The following TTLL6 variants were observed in gnomAD, a reference collection of about 807,000 sequenced individuals.
TTLL6 encodes tubulin polyglutamylase TTLL6.
Under a neutral mutation model 96.4 loss-of-function variants are expected in TTLL6, and 75 were observed. The ratio of observed to expected loss-of-function variants is 0.78; its 90% confidence interval spans 0.65 to 0.94. TTLL6 has a LOEUF of 0.94. TTLL6 is among the 40% of genes least tolerant of loss of function. The pLI, the probability that TTLL6 is intolerant of heterozygous loss-of-function variation, is 0.00. For missense variants in TTLL6, 1,030 were observed against 1,093.0 expected (o/e 0.94, Z 0.81); for synonymous variants, 411 against 419.4 (o/e 0.98, Z 0.24).
chr17:48,786,996 A>G (rs1451475023), intron 11 of TTLL6, among the ~76,000 whole-genome samples: 1 of 151,778 alleles, frequency 6.6e-6, no homozygotes, highest in African/African-American at 2.4e-5. Flanking sequence ...CTCTCGGCTA[A>G]TTTTTTGTAT....
At position 48,791,504 on chromosome 17, in the gene TTLL6, C is replaced by CGAGAT. The variant is rs779110874; in HGVS notation, c.1093_1097dup (p.Ala367SerfsTer61). The CGAGAT allele has an allele frequency of 6.2e-7, 1 of 1,614,066 alleles. No individual in the cohort carries two copies. Among genetic ancestry groups the CGAGAT allele is most frequent in the South Asian group, 1.1e-5 (1 of 91,070 alleles). ...AGTTATGCCTGATGATGGGGTGGGC[C>CGAGAT]GAGATGAGGGTCTTGATGATGACGT... On this transcript the variant is annotated frameshift_variant, in exon 9 of 16. Coordinates refer to ENST00000393382, the MANE Select transcript of TTLL6 (RefSeq NM_001130918.3). LOFTEE classifies it high-confidence loss of function.
intron 6 of TTLL6, 62 bp from the exon 7 acceptor site, chr17:48,797,266 T>G: frequency 6.7e-7 from 1 of 1,486,422 alleles, no homozygotes; most frequent in Non-Finnish European, 9.0e-7. Flanking sequence ...TGAAAATCAC[T>G]AGCTCCCGCC....
chr17:48,801,436 C>A (rs1322186047), intron 4 of TTLL6, 51 bp from the exon 5 acceptor site: 2 of 1,551,016 alleles, frequency 1.3e-6, no homozygotes, highest in Non-Finnish European at 1.7e-6. Flanking sequence ...GGGAGTACTA[C>A]AAGATCTCCT....
At chr17:48,814,294 G>C (rs111706969) in intron 1 of TTLL6, among the ~76,000 whole-genome samples, 2,701 of 145,802 alleles carry the variant, frequency 0.019, 112 homozygotes, top group African/African-American at 0.067. Context: ...CCTCCAGTCT[G>C]GGTGACAGAG....
intron 8 of TTLL6, among the ~76,000 whole-genome samples, chr17:48,792,966 T>C (rs2039253928): frequency 6.6e-6 from 1 of 152,220 alleles, no homozygotes; most frequent in Non-Finnish European, 1.5e-5. Flanking sequence ...CTTCATTGTG[T>C]AATTTCATAA....
intron 13 of TTLL6, among the ~76,000 whole-genome samples, chr17:48,772,609 T>G (rs1461813602): frequency 6.6e-6 from 1 of 151,522 alleles, no homozygotes; most frequent in Non-Finnish European, 1.5e-5. Flanking sequence ...CACGCGCCTG[T>G]AGTCCCAGCT....
intron 1 of TTLL6, among the ~76,000 whole-genome samples, chr17:48,816,168 C>T (rs913644246): frequency 3.9e-5 from 6 of 152,160 alleles, no homozygotes; most frequent in Non-Finnish European, 7.4e-5. Context: ...ATAAACCAGG[C>T]GTGGTGACTC....
chr17:48,817,092 AC>A lies in TTLL6; in HGVS notation c.-21del. On this transcript the variant is annotated 5_prime_UTR_variant, in exon 1 of 16. Coordinates refer to ENST00000393382, the MANE Select transcript of TTLL6 (RefSeq NM_001130918.3). ...TCCCATTGGCTGCCAGACAGCCCCA[AC>A]CCCAACCCGCGCTCGCCCTAACTTT... 1 of 1,525,440 alleles carries A rather than the reference AC, an allele frequency of 6.6e-7. No homozygotes were observed. The allele number at this position is 1,525,440 out of a possible 1,614,324, so 94.5% of individuals were successfully genotyped here.
chr17:48,812,073 C>CCA (rs1555569821), intron 1 of TTLL6: 2 of 99,512 alleles, frequency 2.0e-5, no homozygotes, highest in Non-Finnish European at 4.2e-5. Flanking sequence ...GACCCCCCCC[C>CCA]CCACCCCCCG....
chr17:48,797,708 GC>G (rs1475620497), intron 6 of TTLL6, among the ~76,000 whole-genome samples: 1 of 149,178 alleles, frequency 6.7e-6, no homozygotes, highest in Non-Finnish European at 1.5e-5. Context: ...AATCACTTGA[GC>G]CCCGGGGGGC....
At chr17:48,804,364 T>A (rs763764332) in intron 2 of TTLL6, 2 of 483,952 alleles carry the variant, frequency 4.1e-6, no homozygotes, top group Admixed American at 4.6e-5. Flanking sequence ...GAGCAAGGCA[T>A]GGTGAAATAT....
chr17:48,764,560 C>T lies in TTLL6; in HGVS notation c.*1-1587G>A, dbSNP rs117507040. ...TGTGTGGAAGGTGTTATTACTCTTA[C>T]GCTTTCCAAAGAAACCCCTGATCCT... On this transcript the variant is annotated intron_variant, in intron 15 of 15. Transcript: ENST00000393382. Among the ~76,000 whole-genome samples, 51 of 152,282 alleles carry T rather than the reference C, an allele frequency of 3.3e-4. 2 individuals are homozygous for T. In the East Asian group the frequency reaches 8.9e-3, roughly 27 times the overall value.
chr17:48,796,978 T>G, intron 7 of TTLL6, 83 bp downstream of exon 7: 15 of 1,409,806 alleles, frequency 1.1e-5, no homozygotes, highest in Non-Finnish European at 1.2e-5. Flanking sequence ...CACAATGTCT[T>G]GAGGATGTGG....
At chr17:48,811,642 C>T (rs1161014584) in intron 1 of TTLL6, among the ~76,000 whole-genome samples, 2 of 151,650 alleles carry the variant, frequency 1.3e-5, no homozygotes, top group African/African-American at 2.4e-5. Flanking sequence ...CTCTGGCCTC[C>T]AAGCAGTTTC....
At chr17:48,795,938 A>C in intron 8 of TTLL6, 123 bp downstream of exon 8, 1 of 736,796 alleles carries the variant, frequency 1.4e-6, no homozygotes, top group South Asian at 2.0e-5. Context: ...AAAGGAGTAT[A>C]TTCTCAGACC....
chr17:48,785,599 T>C (rs2039076010), intron 12 of TTLL6, among the ~76,000 whole-genome samples: 4 of 152,076 alleles, frequency 2.6e-5, no homozygotes, highest in Admixed American at 2.6e-4. Flanking sequence ...CCCACTGAGC[T>C]AGAAGAGAGT....
intron 1 of TTLL6, among the ~76,000 whole-genome samples, chr17:48,808,502 G>C (rs1247367637): frequency 6.6e-6 from 1 of 152,128 alleles, no homozygotes; most frequent in Admixed American, 6.6e-5. Context: ...TATGCAACAA[G>C]AGCAGGCTCA....
chr17:48,792,889 A>C (rs2039252550), intron 8 of TTLL6, among the ~76,000 whole-genome samples: 1 of 152,180 alleles, frequency 6.6e-6, no homozygotes, highest in Non-Finnish European at 1.5e-5. Context: ...GAAATAGATT[A>C]TACACCTCCC....
chr17:48,817,107 C>T lies in TTLL6; in HGVS notation c.-35G>A, dbSNP rs775137013. 6.6e-7 allele frequency: 1 copy of T among 1,506,482 alleles called. No homozygotes were observed. The highest frequency in any genetic ancestry group is 8.9e-7 in the Non-Finnish European group (1 of 1,122,792). The allele number at this position is 1,506,482 out of a possible 1,614,324, so 93.3% of individuals were successfully genotyped here. A position where few individuals can be genotyped will look rare whatever the true frequency, so the allele number is the denominator to read the frequency against. On this transcript the variant is annotated 5_prime_UTR_variant, in exon 1 of 16. Coordinates refer to ENST00000393382, the MANE Select transcript of TTLL6 (RefSeq NM_001130918.3). ...GACAGCCCCAACCCCAACCCGCGCT[C>T]GCCCTAACTTTGGGTCCGCCCGGCC... is the stretch of plus-strand genomic sequence containing the variant.
Sources: gnomAD v4.1 joint callset for allele counts (sites outside exome capture counted in the v4.1 genomes callset) on GRCh38, gnomAD v4.1.1 for gene constraint, MANE v1.5 for transcripts, NCBI Gene and HGNC (gene_info 2026-07-23, HGNC 2026-07-21) for gene names.